ADGRD1: variants seen among roughly 807,000 people sequenced by gnomAD.
ADGRD1 encodes the protein adhesion G protein-coupled receptor D1.
A neutral mutation model predicts 113.4 loss-of-function variants in ADGRD1; 77 were observed. The observed-to-expected ratio is 0.68, with a 90% CI of 0.57 to 0.82. The LOEUF is 0.82. Ranked by LOEUF, ADGRD1 falls within the 40% of genes least tolerant of loss-of-function variation. The pLI, the probability that ADGRD1 is intolerant of heterozygous loss-of-function variation, is 0.00. For synonymous variants in ADGRD1, 474 were observed against 475.0 expected (o/e 1.00, Z 0.03); for missense variants, 1,036 against 1,139.1 (o/e 0.91, Z 1.30).
intron 23 of ADGRD1, 21 bp from the exon 24 acceptor site, chr12:131,138,116 G>T: frequency 1.9e-6 from 3 of 1,608,904 alleles, no homozygotes; most frequent in African/African-American, 1.3e-5. Context: ...TTGCTCTCAC[G>T]ATCCCTTCCC....
rs542358933 is a variant in ADGRD1, at chr12:131,033,965, C to A, written c.1473+19625C>A. On this transcript the variant is annotated intron_variant, in intron 13 of 24. Coordinates refer to ENST00000261654, the MANE Select transcript of ADGRD1 (RefSeq NM_198827.5). ...CGGGGGATGCCGGCTCCACCTGCAG[C>A]TCACGTCCGATTTCCACCGGTACCC... is the stretch of plus-strand genomic sequence containing the variant. Among the ~76,000 whole-genome samples the A allele has an allele frequency of 7.9e-5, 12 of 152,288 alleles. No individual in the cohort carries two copies. The East Asian group carries it at 2.3e-3, about 29-fold the overall frequency.
chr12:131,123,059 T>TTG (rs1566130340), intron 20 of ADGRD1, among the ~76,000 whole-genome samples: 6 of 133,480 alleles, frequency 4.5e-5, no homozygotes, highest in African/African-American at 1.7e-4. Context: ...TTTTTTTTTT[T>TTG]TTTTTTTTTT....
At chr12:131,097,672 G>A (rs1189079780) in intron 15 of ADGRD1, among the ~76,000 whole-genome samples, 3 of 152,214 alleles carry the variant, frequency 2.0e-5, no homozygotes, top group Non-Finnish European at 2.9e-5. Context: ...GCCAGGGGCT[G>A]AGGGCTGCCC....
chr12:130,978,772 T>C (rs1345195749), intron 4 of ADGRD1: 1 of 152,226 alleles, frequency 6.6e-6, no homozygotes, highest in East Asian at 1.9e-4. Context: ...TCATTTTGAA[T>C]TGAGTGAAAG....
At chr12:130,986,103 C>T (rs1168795071) in intron 5 of ADGRD1, among the ~76,000 whole-genome samples, 1 of 152,128 alleles carries the variant, frequency 6.6e-6, no homozygotes, top group Non-Finnish European at 1.5e-5. Context: ...AGTGTTGTTC[C>T]TCCAATGTTG....
chr12:131,006,493 A>T (rs1877130944), intron 12 of ADGRD1, among the ~76,000 whole-genome samples: 1 of 152,158 alleles, frequency 6.6e-6, no homozygotes, highest in South Asian at 2.1e-4. Flanking sequence ...GGTGGGCCTC[A>T]GTCATGGCTG....
Position 131,084,351 on chromosome 12 carries a change from G to A in ADGRD1, c.1548-189G>A, listed in dbSNP as rs1278181379. On this transcript the variant is annotated intron_variant, in intron 14 of 24. Transcript: ENST00000261654. This position sits in a 1 kb window ranked among gnomAD's most constrained non-coding sequence, Gnocchi z 4.5. ...CAGCAGCAGACACTCTCCAGCTCTCGCCAGCCTGATGGCCAGAATCTCTCC... is the reference window on the plus strand; with the variant it reads ...CAGCAGCAGACACTCTCCAGCTCTCACCAGCCTGATGGCCAGAATCTCTCC... Among the ~76,000 whole-genome samples, 3 of 152,030 alleles carry A rather than the reference G, an allele frequency of 2.0e-5. No individual in the cohort carries two copies. Among genetic ancestry groups the A allele is most frequent in the South Asian group, 2.1e-4 (1 of 4,804 alleles).
intron 13 of ADGRD1, among the ~76,000 whole-genome samples, chr12:131,039,906 G>A (rs1411843950): frequency 1.3e-5 from 2 of 152,238 alleles, no homozygotes; most frequent in Non-Finnish European, 2.9e-5. Flanking sequence ...GGTGCTGCCG[G>A]CCAGCTGTGC....
Position 131,108,747 on chromosome 12 carries a change from G to A in ADGRD1, c.1911G>A (p.Val637=). The part of the protein sequence containing the change: ...PGTTPCQVMA[V]LLHYFFLSAF... ...AGACCCCCTGCCAAGTGATGGCCGT[G>A]CTCCTACACTACTTCTTCCTGAGTG... The change falls in exon 18 of 25, where the codon GTG becomes GTA. Residue 637 remains valine (V), a synonymous_variant. Coordinates refer to ENST00000261654, the MANE Select transcript of ADGRD1 (RefSeq NM_198827.5). 1 of 1,614,110 alleles carries A rather than the reference G, an allele frequency of 6.2e-7. No homozygotes were observed.
At chr12:130,999,369 G>C (rs757297351) in intron 8 of ADGRD1, among the ~76,000 whole-genome samples, 1 of 152,176 alleles carries the variant, frequency 6.6e-6, no homozygotes, top group East Asian at 1.9e-4. Context: ...CCCCTGCTCC[G>C]GCTCAGTGAA....
At chr12:131,045,109 G>A (rs958867420) in intron 13 of ADGRD1, among the ~76,000 whole-genome samples, 2 of 152,242 alleles carry the variant, frequency 1.3e-5, no homozygotes, top group African/African-American at 2.4e-5. Context: ...TGTCCAGGGG[G>A]CCTCCAGGCA....
At chr12:131,111,726 A>T (rs749858887) in intron 18 of ADGRD1, among the ~76,000 whole-genome samples, 1 of 151,988 alleles carries the variant, frequency 6.6e-6, no homozygotes, top group Admixed American at 6.6e-5. Context: ...TGGATTTTTA[A>T]AATTTCAGTT....
intron 20 of ADGRD1, among the ~76,000 whole-genome samples, chr12:131,126,536 G>C (rs148219850): frequency 1.5e-3 from 229 of 152,308 alleles, no homozygotes; most frequent in African/African-American, 4.4e-3. Flanking sequence ...TTGTGAAATA[G>C]TGGTGTCCAG....
At chr12:130,986,684 C>G in intron 5 of ADGRD1, 1 of 178,644 alleles carries the variant, frequency 5.6e-6, no homozygotes. Context: ...ACTTTCAGTA[C>G]AATGTTAAAA....
chr12:131,034,423 A>G (rs1881159199), intron 13 of ADGRD1, among the ~76,000 whole-genome samples: 1 of 152,172 alleles, frequency 6.6e-6, no homozygotes. Context: ...CACTCGCCAC[A>G]TCAGCTGGCT....
intron 13 of ADGRD1, among the ~76,000 whole-genome samples, chr12:131,020,664 C>A (rs1276811009): frequency 6.6e-6 from 1 of 152,202 alleles, no homozygotes; most frequent in Non-Finnish European, 1.5e-5. Context: ...AAGGCTGAAC[C>A]CTGGACATTT....
intron 13 of ADGRD1, among the ~76,000 whole-genome samples, chr12:131,037,947 T>C (rs1442252512): frequency 2.0e-5 from 3 of 148,992 alleles, no homozygotes; most frequent in South Asian, 2.1e-4. Flanking sequence ...GCATGGGGCC[T>C]CACTCACTGC....
At chr12:131,033,684 G>A (rs958402336) in intron 13 of ADGRD1, among the ~76,000 whole-genome samples, 1 of 152,208 alleles carries the variant, frequency 6.6e-6, no homozygotes, top group African/African-American at 2.4e-5. Context: ...GGGCCTGGGT[G>A]GCCACAGGGG....
rs139605528 is a variant in ADGRD1 at position 131,128,541 on chromosome 12, C to A, written c.2176-3184C>A. On this transcript the variant is annotated intron_variant, in intron 20 of 24. Coordinates refer to ENST00000261654, the MANE Select transcript of ADGRD1 (RefSeq NM_198827.5). ...TGTTTAAAACTAAAATTTAAAGAAT[C>A]TGATTTATGAAATGGCAACACAAAA... Among the ~76,000 whole-genome samples, 1,036 of 152,270 alleles carry A rather than the reference C, an allele frequency of 6.8e-3. 8 individuals are homozygous for A. The highest frequency in any genetic ancestry group is 0.024 in the African/African-American group (982 of 41,538).
Sources: allele counts gnomAD v4.1 joint callset (sites outside exome capture counted in the v4.1 genomes callset), GRCh38; gene constraint gnomAD v4.1.1; non-coding constraint Gnocchi (gnomAD v3.1); transcripts MANE v1.5; gene names NCBI Gene and HGNC (gene_info 2026-07-23, HGNC 2026-07-21).